The following ATP10B variants were observed in gnomAD, a reference collection of about 807,000 sequenced individuals.
ATP10B encodes the protein ATPase phospholipid transporting 10B (putative).
Under a neutral mutation model 141.2 loss-of-function variants are expected in ATP10B, and 122 were observed. The observed-to-expected ratio is 0.86, with a 90% CI of 0.75 to 1.00. The LOEUF is 1.00. Ranked by LOEUF, ATP10B falls within the 50% of genes least tolerant of loss-of-function variation. The pLI is 0.00. For missense variants in ATP10B, 1,876 were observed against 1,825.3 expected, an observed-to-expected ratio of 1.03 and a Z score of -0.51; for synonymous variants, 685 against 692.0, an observed-to-expected ratio of 0.99 and a Z score of 0.16.
At chr5:160,658,828 G>T (rs1027360336) in intron 7 of ATP10B, among the ~76,000 whole-genome samples, 7 of 152,144 alleles carry the variant, frequency 4.6e-5, no homozygotes, top group Admixed American at 4.6e-4. Context: ...GATGGATTCT[G>T]AAGCCCTCAT....
the ATP10B span, among the ~76,000 whole-genome samples, chr5:160,872,048 C>T: frequency 1.3e-5 from 2 of 152,002 alleles, no homozygotes; most frequent in African/African-American, 4.8e-5. Context: ...ACATCTGCAC[C>T]AATATCTACT....
chr5:160,811,690 A>C (rs1036086626), intron 1 of ATP10B, among the ~76,000 whole-genome samples: 48 of 152,172 alleles, frequency 3.2e-4, no homozygotes, highest in African/African-American at 1.2e-3. Context: ...GCAGAACACC[A>C]GGTAGATTTC....
intron 8 of ATP10B, among the ~76,000 whole-genome samples, chr5:160,645,984 G>A (rs887220129): frequency 7.9e-5 from 12 of 152,116 alleles, no homozygotes; most frequent in Admixed American, 3.3e-4. Flanking sequence ...GCCTTTTAAT[G>A]CTAATGATTC....
rs1166945198 is a variant in ATP10B, at chr5:160,770,123, T to C, written c.-331+15436A>G. Reference sequence around the variant, plus strand: ...CTTTCCTCCTAATGTATTCTTTGTTTCTGTCTCTTTCTCTCTGTGTCTCTG... The same window carrying C: ...CTTTCCTCCTAATGTATTCTTTGTTCCTGTCTCTTTCTCTCTGTGTCTCTG... On this transcript the variant is annotated intron_variant, in intron 2 of 25. Coordinates refer to ENST00000327245, the MANE Select transcript of ATP10B (RefSeq NM_025153.3). Among the ~76,000 whole-genome samples the C allele has an allele frequency of 3.3e-5, 5 of 152,266 alleles. No homozygotes were observed. In the East Asian group the frequency reaches 9.7e-4, roughly 29 times the overall value.
In ATP10B at chr5:160,634,445, G is replaced by A. The variant is rs1477688649; in HGVS notation, c.1290C>T (p.Ile430=). 2.5e-6 allele frequency: 4 copies of A among 1,614,174 alleles called. No individual in the cohort carries two copies. In the South Asian group the frequency reaches 4.4e-5, roughly 18 times the overall value. Residue 430 remains isoleucine (I), a synonymous_variant, in exon 12 of 26, where the codon ATC becomes ATT. Coordinates refer to ENST00000327245, the MANE Select transcript of ATP10B (RefSeq NM_025153.3). ...IAEDLGQIQY[I]FSDKTGTLTE... is the part of the protein sequence containing the mutation. ...TCAGGGTCCCCGTCTTATCGGAGAA[G>A]ATGTACTGGATCTGGCCCAAGTCCT...
At chr5:160,685,340 C>A (rs1393620362) in intron 6 of ATP10B, 1 of 575,638 alleles carries the variant, frequency 1.7e-6, no homozygotes, top group African/African-American at 1.9e-5. Context: ...AGCCAGGCTG[C>A]AAACCCCAGG....
intron 3 of ATP10B, among the ~76,000 whole-genome samples, chr5:160,715,133 T>A (rs1254000308): frequency 6.7e-6 from 1 of 149,240 alleles, no homozygotes. Flanking sequence ...TGAGCTGTGG[T>A]GGGCTCCACC....
In ATP10B at chr5:160,752,526, C is replaced by T. The variant is rs377340940; in HGVS notation, c.-331+33033G>A. ...CTTCGAATCTAATTCTACAGACAGA[C>T]ACCATTTTATCTTTTTGGGTTAAAG... On this transcript the variant is annotated intron_variant, in intron 2 of 25. Transcript: ENST00000327245. Among the ~76,000 whole-genome samples the T allele has an allele frequency of 2.3e-3, 351 of 152,268 alleles. 2 individuals are homozygous for T. The highest frequency in any genetic ancestry group is 7.9e-3 in the African/African-American group (327 of 41,560).
At chr5:160,895,333 G>A in the ATP10B span, among the ~76,000 whole-genome samples, 1 of 152,198 alleles carries the variant, frequency 6.6e-6, no homozygotes, top group African/African-American at 2.4e-5. Context: ...GACACACATA[G>A]GCTCAAAATA....
At chr5:160,749,401 G>C (rs923287823) in intron 2 of ATP10B, among the ~76,000 whole-genome samples, 1 of 152,182 alleles carries the variant, frequency 6.6e-6, no homozygotes, top group Non-Finnish European at 1.5e-5. Flanking sequence ...GAGCTGGGGG[G>C]TTCATGCCTC....
intron 3 of ATP10B, among the ~76,000 whole-genome samples, chr5:160,716,554 A>G (rs546784212): frequency 3.6e-4 from 55 of 152,356 alleles, no homozygotes; most frequent in African/African-American, 1.2e-3. Context: ...ATGCTAGGAA[A>G]CAAAATGTAA....
In ATP10B at chr5:160,587,755, C is replaced by T. The variant is rs1756003583; in HGVS notation, c.3750+1837G>A. Among the ~76,000 whole-genome samples the T allele has an allele frequency of 3.9e-5, 6 of 152,192 alleles. No individual in the cohort carries two copies. In the South Asian group the frequency reaches 1.2e-3, roughly 31 times the overall value. The stretch of plus-strand genomic sequence containing the variant: ...TGTCTATTGTTGGTGTATAGGAATG[C>T]TTATGATTTTTGTACATTGATTTTC... On this transcript the variant is annotated intron_variant, in intron 24 of 25. Coordinates refer to ENST00000327245, the MANE Select transcript of ATP10B (RefSeq NM_025153.3).
chr5:160,817,345 T>C (rs1773715854), intron 1 of ATP10B, among the ~76,000 whole-genome samples: 1 of 152,186 alleles, frequency 6.6e-6, no homozygotes, highest in Admixed American at 6.5e-5. Context: ...CAAGCATTCT[T>C]ATACACCAAT....
intron 8 of ATP10B, among the ~76,000 whole-genome samples, 187 bp from the exon 9 acceptor site, chr5:160,644,431 G>C (rs1010043393): frequency 3.5e-5 from 5 of 142,550 alleles, no homozygotes; most frequent in Non-Finnish European, 7.8e-5. Context: ...TTTGCTCCTA[G>C]GAGGCCTGGG....
At chr5:160,628,132 T>C (rs1349863982) in intron 13 of ATP10B, among the ~76,000 whole-genome samples, 2 of 152,238 alleles carry the variant, frequency 1.3e-5, no homozygotes, top group African/African-American at 2.4e-5. Flanking sequence ...CCAATGTTAG[T>C]AAATGCTCAC....
At chr5:160,913,570 A>G in the ATP10B span, among the ~76,000 whole-genome samples, 1 of 152,094 alleles carries the variant, frequency 6.6e-6, no homozygotes, top group Non-Finnish European at 1.5e-5. Context: ...TACTTGGCCC[A>G]AATCTCCCAT....
chr5:160,842,845 G>T (rs1221124590), intron 1 of ATP10B, among the ~76,000 whole-genome samples: 1 of 151,788 alleles, frequency 6.6e-6, no homozygotes, highest in East Asian at 1.9e-4. Flanking sequence ...GGCCCATGTG[G>T]CTTGGCTGGT....
At chr5:160,926,634 C>A in the ATP10B span, among the ~76,000 whole-genome samples, 1 of 152,146 alleles carries the variant, frequency 6.6e-6, no homozygotes, top group Non-Finnish European at 1.5e-5. Context: ...AATAAGGGAC[C>A]CATAAAAACC....
chr5:160,643,766 C>T (rs942993132), intron 9 of ATP10B, among the ~76,000 whole-genome samples: 2 of 152,204 alleles, frequency 1.3e-5, no homozygotes, highest in Non-Finnish European at 2.9e-5. Flanking sequence ...ATTCTCCCCA[C>T]TGTACAAATG....
Sources: gnomAD v4.1 joint callset for allele counts (sites outside exome capture counted in the v4.1 genomes callset) on GRCh38, gnomAD v4.1.1 for gene constraint, MANE v1.5 for transcripts, NCBI Gene and HGNC (gene_info 2026-07-23, HGNC 2026-07-21) for gene names.